The following APBB1IP variants were observed in gnomAD, a reference collection of about 807,000 sequenced individuals.
APBB1IP encodes amyloid beta A4 precursor protein-binding family B member 1-interacting protein.
Under a neutral mutation model 64.9 loss-of-function variants are expected in APBB1IP, and 27 were observed. The ratio of observed to expected loss-of-function variants is 0.42; its 90% confidence interval spans 0.31 to 0.57. APBB1IP has a LOEUF of 0.57. Ranked by LOEUF, APBB1IP falls within the 20% of genes least tolerant of loss-of-function variation. The pLI is 0.20. For missense variants in APBB1IP, 812 were observed against 845.5 expected (o/e 0.96, Z 0.49); for synonymous variants, 392 against 331.0 (o/e 1.18, Z -2.00).
chr10:26,503,477 T>C (rs531534284), intron 6 of APBB1IP, among the ~76,000 whole-genome samples: 2 of 152,100 alleles, frequency 1.3e-5, no homozygotes, highest in East Asian at 3.9e-4. Context: ...CTACTAAAAA[T>C]GCAAAAAATT....
intron 2 of APBB1IP, among the ~76,000 whole-genome samples, chr10:26,459,434 G>A (rs999726384): frequency 5.3e-5 from 8 of 152,154 alleles, no homozygotes; most frequent in South Asian, 4.1e-4. Context: ...ATGATTTATA[G>A]TCCTTTGGGT....
intron 6 of APBB1IP, among the ~76,000 whole-genome samples, chr10:26,509,374 G>T (rs1489600784): frequency 6.6e-6 from 1 of 152,196 alleles, no homozygotes; most frequent in Non-Finnish European, 1.5e-5. Context: ...CATTTTGACT[G>T]CCCCATGTCT....
chr10:26,472,320 C>T (rs1835727821), intron 2 of APBB1IP, among the ~76,000 whole-genome samples: 1 of 152,152 alleles, frequency 6.6e-6, no homozygotes, highest in Non-Finnish European at 1.5e-5. Flanking sequence ...AGGCCTGGAG[C>T]CATGAAAGTG....
At chr10:26,460,287 A>G (rs1487765545) in intron 2 of APBB1IP, among the ~76,000 whole-genome samples, 1 of 152,178 alleles carries the variant, frequency 6.6e-6, no homozygotes, top group Non-Finnish European at 1.5e-5. Context: ...TTTCCCTAAG[A>G]ATTTTTAGAG....
intron 2 of APBB1IP, among the ~76,000 whole-genome samples, chr10:26,469,258 CTTTTTTT>C: frequency 8.9e-6 from 1 of 112,932 alleles, no homozygotes; most frequent in Non-Finnish European, 1.7e-5. Context: ...CTTTTCTTTT[CTTTTTTT>C]TTTTTTTTTT....
intron 2 of APBB1IP, among the ~76,000 whole-genome samples, chr10:26,475,165 C>CT (rs1313562947): frequency 6.6e-6 from 1 of 150,788 alleles, no homozygotes; most frequent in Admixed American, 6.6e-5. Context: ...CTCTGTTGTC[C>CT]AGGCTGGAGT....
chr10:26,534,770 T>G (rs146104283), intron 9 of APBB1IP, among the ~76,000 whole-genome samples: 35 of 152,310 alleles, frequency 2.3e-4, no homozygotes, highest in African/African-American at 8.2e-4. Flanking sequence ...CCCAACAGGA[T>G]AGTCCTTGTT....
chr10:26,534,335 A>G (rs956688569), intron 9 of APBB1IP, among the ~76,000 whole-genome samples: 2 of 149,734 alleles, frequency 1.3e-5, no homozygotes, highest in African/African-American at 4.9e-5. Context: ...ATCTGTTCGC[A>G]GCACATAACG....
intron 11 of APBB1IP, among the ~76,000 whole-genome samples, chr10:26,554,685 G>T (rs1836873042): frequency 2.0e-5 from 3 of 152,098 alleles, no homozygotes. Flanking sequence ...GGGCTTAAGT[G>T]ATCCTCCTGC....
chr10:26,567,232 T>C lies in APBB1IP; in HGVS notation c.1745T>C (p.Phe582Ser). 7.5e-7 allele frequency: 1 copy of C among 1,329,218 alleles called. No homozygotes were observed. The highest frequency in any genetic ancestry group is 1.6e-5 in the South Asian group (1 of 60,722). 82.3% of individuals were successfully genotyped at this position (1,329,218 alleles called of 1,614,324 possible). A position where few individuals can be genotyped will look rare whatever the true frequency, so the allele number is the denominator to read the frequency against. Residue 582 changes from phenylalanine to serine, a missense_variant, in exon 15 of 15, where the codon TTC becomes TCC. Physicochemically the swap from Phe to Ser is radical, Grantham distance 155 (BLOSUM62 -2). Around this residue, in one of 3 missense-constraint regions of APBB1IP, gnomAD observed 381 missense variants for 352.1 expected, o/e 1.08. Transcript: ENST00000376236. ...GACTTCATGGAGCCGCCCCCAGACT[T>C]CGTGCCCCCGCCCCCGCCGTCGTAC... Reference protein sequence around the residue: ...PPDFMEPPPDFVPPPPPSYAG... With the variant: ...PPDFMEPPPDSVPPPPPSYAG...
At chr10:26,510,115 A>G (rs1836234091) in intron 6 of APBB1IP, among the ~76,000 whole-genome samples, 1 of 152,106 alleles carries the variant, frequency 6.6e-6, no homozygotes, top group Non-Finnish European at 1.5e-5. Flanking sequence ...GATTACAGGC[A>G]CATGCCACCA....
intron 8 of APBB1IP, among the ~76,000 whole-genome samples, chr10:26,524,450 A>C (rs997315498): frequency 6.6e-6 from 1 of 152,204 alleles, no homozygotes; most frequent in Admixed American, 6.5e-5. Context: ...AAAGAGGGTT[A>C]TTCTGAGCCA....
intron 5 of APBB1IP, chr10:26,501,494 C>T: frequency 3.1e-6 from 1 of 322,254 alleles, no homozygotes; most frequent in Non-Finnish European, 5.7e-6. Context: ...ATTCATTATA[C>T]ATTTTCTGAG....
At chr10:26,539,830 C>G (rs956244033) in intron 10 of APBB1IP, among the ~76,000 whole-genome samples, 1 of 152,008 alleles carries the variant, frequency 6.6e-6, no homozygotes, top group African/African-American at 2.4e-5. Context: ...AAAGAAGTAC[C>G]GGTAACCACC....
At chr10:26,549,787 G>A (rs1836808489) in intron 11 of APBB1IP, among the ~76,000 whole-genome samples, 1 of 150,750 alleles carries the variant, frequency 6.6e-6, no homozygotes. Flanking sequence ...TTGTGTTTTA[G>A]CCTCTTTTAG....
chr10:26,511,149 T>C (rs1309183172), intron 6 of APBB1IP, among the ~76,000 whole-genome samples: 2 of 152,082 alleles, frequency 1.3e-5, no homozygotes, highest in Admixed American at 1.3e-4. Context: ...AAGACCAGCC[T>C]GGCTAACATG....
At chr10:26,524,955 C>CTTTTTTTTTTTTTTTTTTTTTTTTG (rs56982662) in intron 8 of APBB1IP, among the ~76,000 whole-genome samples, 1 of 73,972 alleles carries the variant, frequency 1.4e-5, no homozygotes, top group African/African-American at 4.6e-5. Context: ...TTCTTTCTTT[C>CTTTTTTTTTTTTTTTTTTTTTTTTG]TTTTTTTTTT....
chr10:26,536,814 T>C (rs991092222), intron 10 of APBB1IP, among the ~76,000 whole-genome samples: 2 of 150,300 alleles, frequency 1.3e-5, no homozygotes, highest in African/African-American at 4.9e-5. Context: ...ACCATGTTGC[T>C]TAGGCTGGTC....
At chr10:26,562,263 T>A (rs1176417055) in intron 13 of APBB1IP, 63 bp from the exon 14 acceptor site, 1 of 1,246,604 alleles carries the variant, frequency 8.0e-7, no homozygotes, top group Non-Finnish European at 1.2e-6. Flanking sequence ...TATTTTCAGA[T>A]CGACTTTCAA....
Sources: gnomAD v4.1 joint callset for allele counts (sites outside exome capture counted in the v4.1 genomes callset) on GRCh38, gnomAD v4.1.1 for gene constraint, gnomAD v4.1.1 regional missense constraint, MANE v1.5 for transcripts, NCBI Gene and HGNC (gene_info 2026-07-23, HGNC 2026-07-21) for gene names.